The following SORCS3 variants were observed in gnomAD, a reference collection of about 807,000 sequenced individuals.
SORCS3 encodes VPS10 domain-containing receptor SorCS3.
In SORCS3, 57 loss-of-function variants were observed where a neutral mutation model predicts 146.3. That is an observed-to-expected ratio of 0.39 (90% CI 0.31 to 0.49). The LOEUF (loss-of-function observed/expected upper bound fraction) is 0.49. SORCS3 is among the 20% of genes least tolerant of loss of function. The probability of loss-of-function intolerance (pLI) is 0.92; values close to 1 mark genes in which losing one functional copy is unlikely to be tolerated. For missense variants in SORCS3, 1,341 were observed against 1,575.5 expected, an observed-to-expected ratio of 0.85 and a Z score of 2.52; for synonymous variants, 653 against 618.5, an observed-to-expected ratio of 1.06 and a Z score of -0.83.
rs1381631797 is a variant in SORCS3, at chr10:105,010,199, A to G, written c.954+32706A>G. On this transcript the variant is annotated intron_variant, in intron 4 of 26. Coordinates refer to ENST00000369701, the MANE Select transcript of SORCS3 (RefSeq NM_014978.3). ...TGATATGTACTCCACAAGATCCTTA[A>G]GAGGAGCTCATGAAGAAACATGAAA... 5.3e-5 allele frequency among the ~76,000 whole-genome samples: 8 copies of G among 152,306 alleles called. No homozygotes were observed. The South Asian group carries it at 6.2e-4, about 12-fold the overall frequency.
intron 1 of SORCS3, among the ~76,000 whole-genome samples, chr10:104,832,045 T>G (rs1304672386): frequency 6.6e-6 from 1 of 152,204 alleles, no homozygotes; most frequent in African/African-American, 2.4e-5. Flanking sequence ...AGCTACCCAT[T>G]TTGTATTTCT....
At chr10:104,721,368 T>C (rs2016545861) in intron 1 of SORCS3, among the ~76,000 whole-genome samples, 1 of 152,220 alleles carries the variant, frequency 6.6e-6, no homozygotes, top group Admixed American at 6.5e-5. Flanking sequence ...CATGCTGTTT[T>C]GGTTACTGTA....
At chr10:105,114,859 T>A in intron 7 of SORCS3, among the ~76,000 whole-genome samples, 1 of 152,176 alleles carries the variant, frequency 6.6e-6, no homozygotes, top group South Asian at 2.1e-4. Context: ...TCAGACTGTT[T>A]CTAGGATGAT....
intron 1 of SORCS3, among the ~76,000 whole-genome samples, chr10:104,832,641 C>A (rs2018014002): frequency 1.3e-5 from 2 of 152,130 alleles, no homozygotes; most frequent in African/African-American, 4.8e-5. Context: ...TCGTTTGAAC[C>A]CAGGAGGCAG....
At chr10:104,921,743 C>A (rs1448885366) in intron 3 of SORCS3, among the ~76,000 whole-genome samples, 2 of 151,910 alleles carry the variant, frequency 1.3e-5, no homozygotes, top group African/African-American at 4.8e-5. Context: ...TGGAAAATAG[C>A]TAATAAGAGG....
intron 20 of SORCS3, among the ~76,000 whole-genome samples, chr10:105,242,382 ATATATATT>A (rs1475945080): frequency 1.2e-4 from 14 of 116,100 alleles, no homozygotes; most frequent in South Asian, 7.9e-4. Flanking sequence ...ACATATATTT[ATATATATT>A]TATATATTTA....
At chr10:105,039,297 T>C (rs928829672) in intron 4 of SORCS3, among the ~76,000 whole-genome samples, 12 of 152,116 alleles carry the variant, frequency 7.9e-5, no homozygotes, top group Non-Finnish European at 1.8e-4. Context: ...AGCCTGCTCT[T>C]TCTGTTCATC....
rs920662213 is a variant in SORCS3, at chr10:105,039,451, C to CTTTTT, written c.955-3585_955-3581dup. Reference sequence around the variant, plus strand: ...AGATCAGCAGTGGCTCTCTCGCTCTCTTTTTTTTTTTTTTTTTTTTTTTGA... The same window carrying CTTTTT: ...AGATCAGCAGTGGCTCTCTCGCTCTCTTTTTTTTTTTTTTTTTTTTTTTTTTTTGA... On this transcript the variant is annotated intron_variant, in intron 4 of 26. Coordinates refer to ENST00000369701, the MANE Select transcript of SORCS3 (RefSeq NM_014978.3). 1.9e-3 allele frequency among the ~76,000 whole-genome samples: 186 copies of CTTTTT among 96,536 alleles called. 3 individuals carry two copies. Among genetic ancestry groups the CTTTTT allele is most frequent in the Middle Eastern group, 6.0e-3 (1 of 166 alleles). 63.3% of individuals were successfully genotyped at this position (96,536 alleles called of 152,430 possible).
intron 4 of SORCS3, among the ~76,000 whole-genome samples, chr10:105,016,726 C>A (rs790647): frequency 0.24 from 35,695 of 151,870 alleles, 4,202 homozygotes; most frequent in South Asian, 0.29. Flanking sequence ...TGGACCCTAC[C>A]GCCAATGTAG....
chr10:105,112,454 A>C (rs1455358273), intron 7 of SORCS3, among the ~76,000 whole-genome samples: 1 of 152,168 alleles, frequency 6.6e-6, no homozygotes, highest in Non-Finnish European at 1.5e-5. Context: ...CATTGAAATA[A>C]AGTTGCCTCT....
At chr10:104,653,713 A>C (rs1242840776) in intron 1 of SORCS3, among the ~76,000 whole-genome samples, 1 of 152,158 alleles carries the variant, frequency 6.6e-6, no homozygotes, top group African/African-American at 2.4e-5. Context: ...GCGATACGTG[A>C]GATGTTTTGG....
chr10:105,054,725 G>A (rs1238017084), intron 5 of SORCS3, among the ~76,000 whole-genome samples: 4 of 152,014 alleles, frequency 2.6e-5, no homozygotes, highest in Admixed American at 2.0e-4. Flanking sequence ...GTGGCATTTC[G>A]CAGCTTTCGT....
At chr10:105,251,359 C>T (rs1486709491) in intron 22 of SORCS3, among the ~76,000 whole-genome samples, 1 of 152,142 alleles carries the variant, frequency 6.6e-6, no homozygotes, top group Admixed American at 6.5e-5. Flanking sequence ...CTGATTCCTC[C>T]CTCAACACCT....
At chr10:105,117,577 T>C (rs1043284343) in intron 7 of SORCS3, among the ~76,000 whole-genome samples, 4 of 152,210 alleles carry the variant, frequency 2.6e-5, no homozygotes, top group Admixed American at 1.3e-4. Context: ...ATTTAAATAT[T>C]TTTAAAATAT....
chr10:104,820,074 G>A (rs559920153), intron 1 of SORCS3, among the ~76,000 whole-genome samples: 2 of 152,180 alleles, frequency 1.3e-5, no homozygotes, highest in African/African-American at 2.4e-5. Flanking sequence ...TATGCACCAA[G>A]CTGTCATGGT....
intron 16 of SORCS3, among the ~76,000 whole-genome samples, chr10:105,210,284 G>T (rs1217027244): frequency 6.6e-6 from 1 of 152,186 alleles, no homozygotes; most frequent in Non-Finnish European, 1.5e-5. Flanking sequence ...TATATGTTCA[G>T]TTTATTTTGC....
chr10:104,722,301 A>G (rs1350323792), intron 1 of SORCS3, among the ~76,000 whole-genome samples: 1 of 152,130 alleles, frequency 6.6e-6, no homozygotes, highest in East Asian at 1.9e-4. Context: ...CATATGTTGA[A>G]CCAGCCTTGC....
intron 1 of SORCS3, among the ~76,000 whole-genome samples, chr10:104,705,232 T>G (rs544507752): frequency 1.3e-5 from 2 of 151,634 alleles, no homozygotes; most frequent in African/African-American, 4.8e-5. Context: ...TTCGTTTTTT[T>G]TTTTTTTTTT....
intron 5 of SORCS3, among the ~76,000 whole-genome samples, chr10:105,067,077 A>T (rs790755): frequency 6.6e-6 from 1 of 151,972 alleles, no homozygotes; most frequent in South Asian, 2.1e-4. Context: ...CTCTTGGTTC[A>T]CTATCTTCAA....
Sources: allele counts gnomAD v4.1 joint callset (sites outside exome capture counted in the v4.1 genomes callset), GRCh38; gene constraint gnomAD v4.1.1; transcripts MANE v1.5; gene names NCBI Gene and HGNC (gene_info 2026-07-23, HGNC 2026-07-21).